Variants in OSBPL9 observed in about 807,000 individuals in gnomAD.
OSBPL9 encodes oxysterol binding protein like 9, also known as oxysterol-binding protein-related protein 9.
OSBPL9 carries 40 observed loss-of-function variants against 106.6 expected under a neutral mutation model. The ratio of observed to expected loss-of-function variants is 0.38; its 90% CI spans 0.29 to 0.49. The LOEUF (loss-of-function observed/expected upper bound fraction) is 0.49, where lower values mean the gene tolerates loss of function less well. OSBPL9 is among the 20% of genes least tolerant of loss of function. The pLI is 0.97. For missense variants in OSBPL9, 609 were observed against 887.2 expected, an observed-to-expected ratio of 0.69 and a Z score of 3.98; for synonymous variants, 269 against 295.4, an observed-to-expected ratio of 0.91 and a Z score of 0.92.
upstream of OSBPL9, among the ~76,000 whole-genome samples, chr1:51,613,222 A>AT (rs1256527802): frequency 6.6e-6 from 1 of 152,166 alleles, no homozygotes; most frequent in Non-Finnish European, 1.5e-5. Flanking sequence ...CACTATGTAA[A>AT]TTTTTTAACT....
intron 2 of OSBPL9, among the ~76,000 whole-genome samples, chr1:51,669,070 C>G (rs1485849929): frequency 6.6e-6 from 1 of 152,182 alleles, no homozygotes; most frequent in Non-Finnish European, 1.5e-5. Context: ...TTACAACAAC[C>G]TGGTGAGGTG....
Position 51,784,533 on chromosome 1 carries a change from A to G in OSBPL9, c.1780A>G (p.Thr594Ala), listed in dbSNP as rs770141318. The change falls in exon 20 of 24, where the codon ACT becomes GCT. Residue 594 changes from threonine to alanine, a missense_variant. Around this residue, in one of 5 missense-constraint regions of OSBPL9, gnomAD observed 19 missense variants for 60.9 expected, o/e 0.31. Coordinates refer to ENST00000428468, the MANE Select transcript of OSBPL9 (RefSeq NM_024586.6). Reference protein sequence around the residue: ...TGYSANIIFHTKPFYGGKKHR... With the variant: ...TGYSANIIFHAKPFYGGKKHR... ...CTATAGTGCAAATATCATCTTCCAC[A>G]CTAAACCCTTCTATGGGGGCAAGAA... 4 of 1,613,984 alleles carry G rather than the reference A, an allele frequency of 2.5e-6. No individual in the cohort carries two copies. Among genetic ancestry groups the G allele is most frequent in the African/African-American group, 2.7e-5 (2 of 74,930 alleles).
intron 4 of OSBPL9, among the ~76,000 whole-genome samples, chr1:51,719,641 A>C (rs1324310177): frequency 6.6e-6 from 1 of 152,178 alleles, no homozygotes; most frequent in Admixed American, 6.5e-5. Context: ...TATAAACTTG[A>C]GTAAATTGGG....
chr1:51,624,390 C>T (rs187824613), intron 1 of OSBPL9, among the ~76,000 whole-genome samples: 1,806 of 152,002 alleles, frequency 0.012, 38 homozygotes, highest in African/African-American at 0.042. Context: ...GAGTTCAAGA[C>T]AAGCCTGACC....
Position 51,748,416 on chromosome 1 carries a change from T to C in OSBPL9, c.492+18T>C. ...CAACAAATGTAAGTTATATGTTTGA[T>C]ACATTCTGACTTTGCATTAGAAAAT... On this transcript the variant is annotated intron_variant, in intron 7 of 23. Coordinates refer to ENST00000428468, the MANE Select transcript of OSBPL9 (RefSeq NM_024586.6). 1 of 1,479,724 alleles carries C rather than the reference T, an allele frequency of 6.8e-7. No homozygotes were observed. The allele number at this position is 1,479,724 out of a possible 1,614,324, so 91.7% of individuals were successfully genotyped here.
intron 9 of OSBPL9, 162 bp downstream of exon 9, chr1:51,756,520 A>G (rs538753082): frequency 1.3e-5 from 8 of 638,098 alleles, no homozygotes; most frequent in African/African-American, 1.1e-4. Context: ...TCTTTCAGCA[A>G]TCATTTGCAG....
intron 4 of OSBPL9, among the ~76,000 whole-genome samples, chr1:51,719,861 A>G (rs914091995): frequency 1.7e-4 from 26 of 152,234 alleles, no homozygotes; most frequent in African/African-American, 6.0e-4. Context: ...AATGTGATGA[A>G]TGATATTGCC....
the OSBPL9 span, among the ~76,000 whole-genome samples, chr1:51,570,810 T>C: frequency 6.6e-6 from 1 of 152,148 alleles, no homozygotes; most frequent in Non-Finnish European, 1.5e-5. Flanking sequence ...GCTATCATTA[T>C]TCGTACTTGG....
upstream of OSBPL9, among the ~76,000 whole-genome samples, chr1:51,576,293 C>T (rs1260498293): frequency 6.6e-6 from 1 of 152,164 alleles, no homozygotes; most frequent in Non-Finnish European, 1.5e-5. Context: ...GGAGGGGCCT[C>T]AGAGCTTCTT....
intron 3 of OSBPL9, among the ~76,000 whole-genome samples, chr1:51,675,309 C>T (rs188588846): frequency 5.9e-5 from 9 of 151,872 alleles, no homozygotes; most frequent in Non-Finnish European, 1.3e-4. Context: ...GAATGTTTGC[C>T]CATTGTTGTC....
intron 3 of OSBPL9, among the ~76,000 whole-genome samples, chr1:51,689,928 A>T (rs1654612145): frequency 6.6e-6 from 1 of 152,128 alleles, no homozygotes; most frequent in Non-Finnish European, 1.5e-5. Context: ...TTCTTTCTAT[A>T]GCTTTTTAAG....
At chr1:51,733,514 G>A (rs1664942172) in intron 4 of OSBPL9, among the ~76,000 whole-genome samples, 1 of 152,076 alleles carries the variant, frequency 6.6e-6, no homozygotes, top group Non-Finnish European at 1.5e-5. Context: ...GGTGGCTCAC[G>A]CTGTAATCCT....
At chr1:51,523,568 C>T in the OSBPL9 span, among the ~76,000 whole-genome samples, 2 of 151,992 alleles carry the variant, frequency 1.3e-5, no homozygotes, top group Non-Finnish European at 2.9e-5. Context: ...GATTCAAATG[C>T]GCTTTTTCCT....
At chr1:51,758,602 T>C (rs987761021) in intron 9 of OSBPL9, among the ~76,000 whole-genome samples, 1 of 152,154 alleles carries the variant, frequency 6.6e-6, no homozygotes, top group African/African-American at 2.4e-5. Flanking sequence ...GCACAAAGTT[T>C]TTAAGTGTTT....
intron 3 of OSBPL9, chr1:51,709,756 A>G (rs1659411714): frequency 6.6e-6 from 1 of 152,500 alleles, no homozygotes; most frequent in African/African-American, 2.4e-5. Context: ...TACTCCTCAC[A>G]GTGCGGGCGG....
the OSBPL9 span, among the ~76,000 whole-genome samples, chr1:51,547,655 G>A: frequency 2.6e-5 from 4 of 151,994 alleles, no homozygotes; most frequent in Admixed American, 6.6e-5. Context: ...ACCAGCCTGA[G>A]CAACATGGCG....
intron 4 of OSBPL9, chr1:51,745,260 G>C: frequency 3.1e-6 from 1 of 327,760 alleles, no homozygotes; most frequent in South Asian, 3.6e-5. Context: ...AGGGTTTGGG[G>C]GAGATAAGAA....
chr1:51,531,622 A>G, the OSBPL9 span, among the ~76,000 whole-genome samples: 1 of 152,224 alleles, frequency 6.6e-6, no homozygotes, highest in African/African-American at 2.4e-5. Context: ...TAGAGAGAAT[A>G]TCGGGAATTT....
intron 1 of OSBPL9, among the ~76,000 whole-genome samples, chr1:51,634,178 T>C (rs1645282024): frequency 1.3e-5 from 2 of 152,236 alleles, no homozygotes; most frequent in South Asian, 4.1e-4. Flanking sequence ...CTTTTTATAA[T>C]CTTGTTATTC....
Sources: allele counts gnomAD v4.1 joint callset (sites outside exome capture counted in the v4.1 genomes callset), GRCh38; gene constraint gnomAD v4.1.1; regional missense constraint gnomAD v4.1.1; transcripts MANE v1.5; gene names NCBI Gene and HGNC (gene_info 2026-07-23, HGNC 2026-07-21).